Variants in NEGR1 observed in about 807,000 individuals in gnomAD.
NEGR1 encodes the protein IgLON family member 4.
A neutral mutation model predicts 40.9 loss-of-function variants in NEGR1; 10 were observed. The ratio of observed to expected loss-of-function variants is 0.24; its 90% CI spans 0.15 to 0.42. The LOEUF is 0.42. Among genes scored for constraint, NEGR1 ranks in the 10% least tolerant of loss-of-function variants. The pLI is 1.00. For synonymous variants in NEGR1, 185 were observed against 166.8 expected, an observed-to-expected ratio of 1.11 and a Z score of -0.84; for missense variants, 352 against 438.9, an observed-to-expected ratio of 0.80 and a Z score of 1.77.
intron 2 of NEGR1, among the ~76,000 whole-genome samples, chr1:71,776,612 T>C (rs1220193440): frequency 6.6e-6 from 1 of 152,212 alleles, no homozygotes; most frequent in South Asian, 2.1e-4. Context: ...ATAATCAATC[T>C]ATTTTATCCA....
At chr1:71,428,076 C>T (rs952533373) in intron 6 of NEGR1, among the ~76,000 whole-genome samples, 2 of 152,148 alleles carry the variant, frequency 1.3e-5, no homozygotes, top group Non-Finnish European at 2.9e-5. Context: ...CACACAAAGA[C>T]ACTTACTGAA....
intron 6 of NEGR1, among the ~76,000 whole-genome samples, chr1:71,455,216 A>G (rs570982076): frequency 5.3e-5 from 8 of 152,330 alleles, no homozygotes; most frequent in Admixed American, 2.6e-4. Context: ...CAAAATACCA[A>G]TAGTGCTGAG....
At chr1:71,588,521 T>C (rs1649384524) in intron 6 of NEGR1, among the ~76,000 whole-genome samples, 1 of 152,180 alleles carries the variant, frequency 6.6e-6, no homozygotes, top group Admixed American at 6.5e-5. Context: ...ATACTAGCTT[T>C]CCTGTAGTTT....
intron 3 of NEGR1, among the ~76,000 whole-genome samples, chr1:71,746,759 TACACACACAC>T (rs970204144): frequency 6.8e-6 from 1 of 147,170 alleles, no homozygotes. Flanking sequence ...CACACACGCG[TACACACACAC>T]ACGCACACAC....
chr1:71,741,964 C>T (rs1242573910), intron 3 of NEGR1, among the ~76,000 whole-genome samples: 4 of 152,226 alleles, frequency 2.6e-5, no homozygotes, highest in Non-Finnish European at 4.4e-5. Context: ...AAACCCACTC[C>T]CATATTCCAA....
chr1:72,207,333 A>C (rs1402722324), intron 1 of NEGR1, among the ~76,000 whole-genome samples: 1 of 151,844 alleles, frequency 6.6e-6, no homozygotes, highest in Non-Finnish European at 1.5e-5. Context: ...GAAAGGGGCT[A>C]GGGCAAAGAT....
At chr1:71,773,200 A>C (rs1199467433) in intron 3 of NEGR1, among the ~76,000 whole-genome samples, 1 of 152,180 alleles carries the variant, frequency 6.6e-6, no homozygotes, top group Non-Finnish European at 1.5e-5. Context: ...CTTATTACTG[A>C]TTTTTAAAAC....
At chr1:71,472,661 T>C (rs1646789820) in intron 6 of NEGR1, 1 of 152,244 alleles carries the variant, frequency 6.6e-6, no homozygotes, top group South Asian at 2.1e-4. Context: ...CAGAAACCTT[T>C]CCTTACACTG....
intron 1 of NEGR1, among the ~76,000 whole-genome samples, chr1:72,085,544 T>C (rs957368856): frequency 1.3e-5 from 2 of 152,214 alleles, no homozygotes; most frequent in Non-Finnish European, 2.9e-5. Context: ...ATCAGTTCTC[T>C]GAGGAAAAGC....
At chr1:72,149,876 T>A (rs1397006030) in intron 1 of NEGR1, among the ~76,000 whole-genome samples, 1 of 41,190 alleles carries the variant, frequency 2.4e-5, no homozygotes, top group Non-Finnish European at 4.7e-5. Context: ...AACAAAACTC[T>A]GTCAAAAAAA....
intron 2 of NEGR1, among the ~76,000 whole-genome samples, chr1:71,836,262 G>A (rs1659023657): frequency 6.6e-6 from 1 of 151,780 alleles, no homozygotes; most frequent in Non-Finnish European, 1.5e-5. Flanking sequence ...GACCAGCCTG[G>A]CCAATATGGT....
chr1:71,873,468 G>A (rs1291513588), intron 2 of NEGR1, among the ~76,000 whole-genome samples: 4 of 151,984 alleles, frequency 2.6e-5, no homozygotes, highest in African/African-American at 4.8e-5. Context: ...ATATGACCCT[G>A]GACCAGTTAA....
At chr1:71,772,283 G>A (rs1007953484) in intron 3 of NEGR1, among the ~76,000 whole-genome samples, 5 of 152,040 alleles carry the variant, frequency 3.3e-5, no homozygotes, top group South Asian at 4.2e-4. Context: ...GCACGCTTGC[G>A]ATCCCAGCTA....
chr1:71,600,142 G>A (rs1372713150), intron 5 of NEGR1, among the ~76,000 whole-genome samples: 1 of 152,180 alleles, frequency 6.6e-6, no homozygotes, highest in Non-Finnish European at 1.5e-5. Flanking sequence ...AATCTAAGGT[G>A]ACAGGATTCA....
intron 3 of NEGR1, among the ~76,000 whole-genome samples, chr1:71,720,711 G>A (rs559408244): frequency 3.3e-5 from 5 of 152,222 alleles, no homozygotes; most frequent in African/African-American, 1.2e-4. Context: ...CATAGCGAGA[G>A]AAGCAGATAT....
intron 4 of NEGR1, among the ~76,000 whole-genome samples, chr1:71,614,738 C>T (rs1004329251): frequency 8.5e-5 from 13 of 152,070 alleles, no homozygotes; most frequent in African/African-American, 2.2e-4. Flanking sequence ...GCATGAAATC[C>T]GGAACATTGC....
chr1:71,746,003 C>G (rs1351472132), intron 3 of NEGR1, among the ~76,000 whole-genome samples: 2 of 152,142 alleles, frequency 1.3e-5, no homozygotes, highest in African/African-American at 4.8e-5. Context: ...TGCTGAGTTT[C>G]CCCCCTCAGT....
At chr1:71,563,745 G>T (rs1253546848) in intron 6 of NEGR1, among the ~76,000 whole-genome samples, 1 of 151,944 alleles carries the variant, frequency 6.6e-6, no homozygotes, top group East Asian at 1.9e-4. Context: ...GTGTAAAAGA[G>T]GGTGAAGACT....
chr1:71,752,171 G>C (rs2101688788), intron 3 of NEGR1, among the ~76,000 whole-genome samples: 1 of 152,278 alleles, frequency 6.6e-6, no homozygotes, highest in Non-Finnish European at 1.5e-5. Flanking sequence ...CTTTAAATAA[G>C]AGATGGGGTC....
Sources: allele counts gnomAD v4.1 joint callset (sites outside exome capture counted in the v4.1 genomes callset), GRCh38; gene constraint gnomAD v4.1.1; transcripts MANE v1.5; gene names NCBI Gene and HGNC (gene_info 2026-07-23, HGNC 2026-07-21).